PTGER3: variants seen among roughly 807,000 people sequenced by gnomAD.
The protein encoded by PTGER3 is prostaglandin E2 receptor EP3 subtype.
A neutral mutation model predicts 34.7 loss-of-function variants in PTGER3; 22 were observed. That is an observed-to-expected ratio of 0.63 (90% confidence interval 0.45 to 0.91). The LOEUF is 0.91. Ranked by LOEUF, PTGER3 falls within the 40% of genes least tolerant of loss-of-function variation. The pLI is 0.00. For missense variants in PTGER3, 468 were observed against 519.4 expected (o/e 0.90, Z 0.96); for synonymous variants, 241 against 230.1 (o/e 1.05, Z -0.43).
intron 1 of PTGER3, among the ~76,000 whole-genome samples, chr1:71,025,630 C>T (rs191191660): frequency 1.2e-4 from 19 of 152,184 alleles, no homozygotes; most frequent in African/African-American, 2.9e-4. Context: ...CAACTGAAGA[C>T]GAATAATAAC....
intron 2 of PTGER3, among the ~76,000 whole-genome samples, chr1:70,990,092 G>A (rs1462409724): frequency 6.6e-6 from 1 of 151,766 alleles, no homozygotes; most frequent in Admixed American, 6.6e-5. Context: ...GGTGGCTCAC[G>A]GCTGTAATGC....
At chr1:71,045,842 G>A (rs1376796274) in intron 1 of PTGER3, among the ~76,000 whole-genome samples, 5 of 152,072 alleles carry the variant, frequency 3.3e-5, no homozygotes, top group African/African-American at 9.7e-5. Flanking sequence ...GAAAGGCTGA[G>A]GAGGCAACTC....
intron 1 of PTGER3, among the ~76,000 whole-genome samples, chr1:71,034,767 T>C (rs1017311647): frequency 2.0e-5 from 3 of 152,222 alleles, no homozygotes; most frequent in African/African-American, 7.2e-5. Context: ...TAAGGCATCA[T>C]GGCATGGAGG....
chr1:70,984,080 T>C (rs1373406506), intron 2 of PTGER3, among the ~76,000 whole-genome samples: 1 of 152,138 alleles, frequency 6.6e-6, no homozygotes, highest in Non-Finnish European at 1.5e-5. Context: ...TCGACACAAA[T>C]AGTAACATTA....
chr1:70,869,612 T>TGGG (rs1161112006), intron 4 of PTGER3, among the ~76,000 whole-genome samples: 1 of 152,320 alleles, frequency 6.6e-6, no homozygotes, highest in South Asian at 2.1e-4. Context: ...GTACAAGCAT[T>TGGG]GGGTAAACAT....
At chr1:70,981,338 TC>T (rs1654284918) in intron 2 of PTGER3, among the ~76,000 whole-genome samples, 1 of 53,580 alleles carries the variant, frequency 1.9e-5, no homozygotes, top group African/African-American at 7.0e-5. Context: ...TTTCTTTCTT[TC>T]TTTCTTTCTT....
chr1:70,999,148 T>C (rs1315641451), intron 2 of PTGER3, among the ~76,000 whole-genome samples: 2 of 152,186 alleles, frequency 1.3e-5, no homozygotes. Flanking sequence ...CACACTTACA[T>C]TGAAATATTC....
At chr1:70,956,194 C>G (rs1010876196) in intron 2 of PTGER3, among the ~76,000 whole-genome samples, 1 of 152,060 alleles carries the variant, frequency 6.6e-6, no homozygotes, top group African/African-American at 2.4e-5. Flanking sequence ...TGTATATACT[C>G]TAAGTAATTA....
intron 4 of PTGER3, among the ~76,000 whole-genome samples, chr1:70,896,589 A>G (rs1159169908): frequency 6.6e-6 from 1 of 152,210 alleles, no homozygotes; most frequent in Non-Finnish European, 1.5e-5. Flanking sequence ...TTGTTACAGC[A>G]GCCCTAGGAA....
At chr1:71,041,377 T>G (rs935774960) in intron 1 of PTGER3, among the ~76,000 whole-genome samples, 1 of 152,216 alleles carries the variant, frequency 6.6e-6, no homozygotes, top group Non-Finnish European at 1.5e-5. Flanking sequence ...AGTATCATAC[T>G]GCATATCACT....
chr1:70,928,532 C>G (rs1268537168), intron 4 of PTGER3, among the ~76,000 whole-genome samples: 1 of 151,950 alleles, frequency 6.6e-6, no homozygotes, highest in African/African-American at 2.4e-5. Context: ...ACTCAGGGGA[C>G]TAAGGTTGGA....
At chr1:71,018,817 G>A (rs1035916801) in intron 1 of PTGER3, among the ~76,000 whole-genome samples, 1 of 152,102 alleles carries the variant, frequency 6.6e-6, no homozygotes, top group Non-Finnish European at 1.5e-5. Context: ...GGTTTCATAT[G>A]CCTTACATTG....
intron 4 of PTGER3, among the ~76,000 whole-genome samples, chr1:70,894,615 T>G (rs116200453): frequency 3.4e-3 from 514 of 152,324 alleles, no homozygotes; most frequent in African/African-American, 0.012. Flanking sequence ...TAGAATATTT[T>G]TAATGAAGTG....
chr1:70,875,119 GAAATACTGGTTGCA>G (rs1646247069), intron 4 of PTGER3, among the ~76,000 whole-genome samples: 1 of 152,194 alleles, frequency 6.6e-6, no homozygotes, highest in Admixed American at 6.5e-5. Context: ...TGTTGGCACA[GAAATACTGGTTGCA>G]AAAAGTCCTT....
At chr1:70,971,826 A>T in intron 3 of PTGER3, 93 bp from the exon 4 acceptor site, 1 of 832,746 alleles carries the variant, frequency 1.2e-6, no homozygotes, top group South Asian at 2.2e-5. Flanking sequence ...AATATAAGTA[A>T]TAAATTTGTT....
chr1:70,984,005 T>C (rs1654653704), intron 2 of PTGER3, among the ~76,000 whole-genome samples: 2 of 152,136 alleles, frequency 1.3e-5, no homozygotes, highest in South Asian at 4.1e-4. Context: ...ACACACAACC[T>C]TTGGGTTGAG....
At chr1:70,927,553 A>G (rs1382958804) in intron 4 of PTGER3, among the ~76,000 whole-genome samples, 1 of 152,194 alleles carries the variant, frequency 6.6e-6, no homozygotes, top group South Asian at 2.1e-4. Flanking sequence ...GTTCAGCCAC[A>G]TTTAGAAATA....
At position 70,944,464 on chromosome 1, in the gene PTGER3, T is replaced by A. The variant is rs370871385; in HGVS notation, c.*23+9299A>T. 1.7e-4 allele frequency among the ~76,000 whole-genome samples: 26 copies of A among 152,230 alleles called. No homozygotes were observed. The East Asian group carries it at 3.9e-3, about 23-fold the overall frequency. ...AGGGCAAAAGACAGAAAAACCCAGA[T>A]TCTTCACACATCATTTGAGCACCAA... On this transcript the variant is annotated intron_variant, in intron 4 of 4. Transcript: ENST00000370931.
intron 2 of PTGER3, among the ~76,000 whole-genome samples, chr1:70,965,244 C>G (rs970382237): frequency 6.6e-6 from 1 of 151,870 alleles, no homozygotes; most frequent in African/African-American, 2.4e-5. Flanking sequence ...TCCTAAAAGT[C>G]ACAGGAAAAT....
Sources: gnomAD v4.1 joint callset for allele counts (sites outside exome capture counted in the v4.1 genomes callset) on GRCh38, gnomAD v4.1.1 for gene constraint, MANE v1.5 for transcripts, NCBI Gene and HGNC (gene_info 2026-07-23, HGNC 2026-07-21) for gene names.